Variants in TENM4 observed in about 807,000 individuals in gnomAD.
TENM4 encodes teneurin transmembrane protein 4.
Under a neutral mutation model 243.3 loss-of-function variants are expected in TENM4, and 82 were observed. The ratio of observed to expected loss-of-function variants is 0.34; its 90% CI spans 0.28 to 0.40. The LOEUF (loss-of-function observed/expected upper bound fraction) is 0.40, where lower values mean the gene tolerates loss of function less well. Ranked by LOEUF, TENM4 falls within the 10% of genes least tolerant of loss-of-function variation. The pLI, the probability that TENM4 is intolerant of heterozygous loss-of-function variation, is 1.00. For missense variants in TENM4, 3,138 were observed against 3,673.3 expected (o/e 0.85, Z 3.77); for synonymous variants, 1,412 against 1,456.3 (o/e 0.97, Z 0.69).
At chr11:79,249,461 T>C (rs1223395957) in intron 2 of TENM4, among the ~76,000 whole-genome samples, 1 of 152,206 alleles carries the variant, frequency 6.6e-6, no homozygotes, top group African/African-American at 2.4e-5. Flanking sequence ...GATTGAATCA[T>C]AAATATTTAT....
At chr11:78,662,639 A>C (rs1039071841) in intron 32 of TENM4, among the ~76,000 whole-genome samples, 1 of 152,164 alleles carries the variant, frequency 6.6e-6, no homozygotes, top group African/African-American at 2.4e-5. Context: ...GGCTTACTGG[A>C]GAATGGAATC....
At chr11:79,186,559 T>G (rs762054219) in intron 3 of TENM4, among the ~76,000 whole-genome samples, 2 of 152,198 alleles carry the variant, frequency 1.3e-5, no homozygotes, top group Non-Finnish European at 2.9e-5. Context: ...CTGTAATGCC[T>G]AATGGCAGTA....
chr11:78,913,840 G>T (rs1856253996), intron 6 of TENM4, among the ~76,000 whole-genome samples: 1 of 152,132 alleles, frequency 6.6e-6, no homozygotes, highest in Admixed American at 6.5e-5. Flanking sequence ...CCTTCTCAAG[G>T]TCTCTGGAGC....
chr11:79,276,430 C>T (rs1478347724), intron 2 of TENM4, among the ~76,000 whole-genome samples: 1 of 152,180 alleles, frequency 6.6e-6, no homozygotes, highest in African/African-American at 2.4e-5. Flanking sequence ...CAGAGGGGGA[C>T]ACTGGAGCCC....
chr11:79,401,130 T>C (rs574358), intron 1 of TENM4, among the ~76,000 whole-genome samples: 53,813 of 152,170 alleles, frequency 0.35, 9,398 homozygotes, highest in East Asian at 0.39. Flanking sequence ...AAGGGATCCA[T>C]GGAGGTATAA....
intron 18 of TENM4, among the ~76,000 whole-genome samples, chr11:78,758,846 AACTT>A (rs1565366671): frequency 6.6e-6 from 1 of 152,160 alleles, no homozygotes; most frequent in African/African-American, 2.4e-5. Context: ...CTGGCACTGA[AACTT>A]ACTAGTGTGT....
At chr11:79,187,328 C>G (rs529587068) in intron 3 of TENM4, among the ~76,000 whole-genome samples, 1 of 152,186 alleles carries the variant, frequency 6.6e-6, no homozygotes, top group Admixed American at 6.5e-5. Context: ...GTCAGGAAGA[C>G]GAGGCAACCA....
At chr11:79,428,672 G>A (rs1033667719) in intron 1 of TENM4, among the ~76,000 whole-genome samples, 1 of 152,204 alleles carries the variant, frequency 6.6e-6, no homozygotes, top group South Asian at 2.1e-4. Flanking sequence ...AATCAGAAGA[G>A]GACAGGCTGA....
At chr11:79,339,864 G>T (rs549629886) in intron 1 of TENM4, among the ~76,000 whole-genome samples, 1 of 152,186 alleles carries the variant, frequency 6.6e-6, no homozygotes, top group Admixed American at 6.5e-5. Context: ...AGGGGACAGT[G>T]TGGGAAGCTG....
chr11:79,087,508 C>T (rs1300100216), intron 4 of TENM4, among the ~76,000 whole-genome samples: 4 of 152,230 alleles, frequency 2.6e-5, no homozygotes, highest in Non-Finnish European at 5.9e-5. Context: ...CCTGCATGAA[C>T]TTGTACCATC....
At chr11:79,233,465 G>A (rs548329076) in intron 2 of TENM4, among the ~76,000 whole-genome samples, 1 of 152,182 alleles carries the variant, frequency 6.6e-6, no homozygotes, top group Non-Finnish European at 1.5e-5. Context: ...GGAAGGAGGA[G>A]GGGACTTGAG....
chr11:78,787,156 AGAG>A, intron 15 of TENM4, 73 bp from the exon 16 acceptor site: 1 of 1,440,778 alleles, frequency 6.9e-7, no homozygotes, highest in Admixed American at 2.7e-5. Context: ...GGCAGGGGAG[AGAG>A]GAGAGAGAAA....
intron 4 of TENM4, among the ~76,000 whole-genome samples, chr11:79,105,809 G>A (rs530984438): frequency 6.6e-6 from 1 of 152,374 alleles, no homozygotes; most frequent in African/African-American, 2.4e-5. Flanking sequence ...CAAGGTAACA[G>A]TGTTGCTGGC....
intron 7 of TENM4, among the ~76,000 whole-genome samples, chr11:78,894,766 G>C (rs1422882984): frequency 1.3e-5 from 2 of 152,060 alleles, no homozygotes; most frequent in Non-Finnish European, 2.9e-5. Flanking sequence ...GCTGAGGCAG[G>C]TGGATGGCTT....
intron 3 of TENM4, among the ~76,000 whole-genome samples, chr11:79,178,679 G>A (rs577139159): frequency 8.1e-4 from 123 of 152,274 alleles, no homozygotes; most frequent in African/African-American, 2.0e-3. Context: ...GAAGGATAGC[G>A]GGGAGAAAGG....
chr11:78,935,052 C>T (rs577899870), intron 6 of TENM4, among the ~76,000 whole-genome samples: 1,264 of 123,236 alleles, frequency 0.01, 14 homozygotes, highest in African/African-American at 0.037. Context: ...TCGCCCAGGC[C>T]GGACTGCGGA....
intron 1 of TENM4, among the ~76,000 whole-genome samples, chr11:79,390,373 C>T (rs767430462): frequency 5.9e-5 from 9 of 152,212 alleles, no homozygotes; most frequent in Non-Finnish European, 1.2e-4. Flanking sequence ...TTCCAAAAGA[C>T]GCCATTTGCT....
intron 6 of TENM4, among the ~76,000 whole-genome samples, chr11:79,063,259 G>A (rs1860147299): frequency 6.6e-6 from 1 of 152,200 alleles, no homozygotes. Flanking sequence ...CTCAGTTGGA[G>A]CCTCCTCTTC....
At chr11:78,770,864 TGCCCCG>T in intron 18 of TENM4, 122 bp downstream of exon 18, 2 of 1,290,734 alleles carry the variant, frequency 1.5e-6, no homozygotes, top group Admixed American at 2.5e-5. Context: ...GTTTTTTGCT[TGCCCCG>T]CAGGTCCCCC....
Sources: gnomAD v4.1 joint callset for allele counts (sites outside exome capture counted in the v4.1 genomes callset) on GRCh38, gnomAD v4.1.1 for gene constraint, MANE v1.5 for transcripts, NCBI Gene and HGNC (gene_info 2026-07-23, HGNC 2026-07-21) for gene names.